The following SLC43A1 variants were observed in gnomAD, a reference collection of about 807,000 sequenced individuals.
The protein encoded by SLC43A1 is large neutral amino acids transporter small subunit 3.
In SLC43A1, 31 loss-of-function variants were observed where a neutral mutation model predicts 59.5. The observed-to-expected ratio is 0.52, with a 90% CI of 0.39 to 0.70. The LOEUF (loss-of-function observed/expected upper bound fraction) is 0.70. Ranked by LOEUF, SLC43A1 falls within the 30% of genes least tolerant of loss-of-function variation. The pLI is 0.00. For missense variants in SLC43A1, 598 were observed against 717.8 expected (o/e 0.83, Z 1.91); for synonymous variants, 259 against 290.9 (o/e 0.89, Z 1.12).
At chr11:57,498,880 T>A (rs984980491) in intron 5 of SLC43A1, among the ~76,000 whole-genome samples, 3 of 152,044 alleles carry the variant, frequency 2.0e-5, no homozygotes, top group Non-Finnish European at 2.9e-5. Context: ...CAGGATGCCC[T>A]TCGCACACAC....
chr11:57,513,309 G>A (rs1258411370), intron 2 of SLC43A1, among the ~76,000 whole-genome samples: 1 of 152,196 alleles, frequency 6.6e-6, no homozygotes, highest in Non-Finnish European at 1.5e-5. Flanking sequence ...TCCCAGAATA[G>A]GAAGATACCC....
At chr11:57,486,969 C>A in intron 14 of SLC43A1, 126 bp downstream of exon 14, 1 of 973,416 alleles carries the variant, frequency 1.0e-6, no homozygotes, top group Admixed American at 2.2e-5. Context: ...ACTTGGAAAC[C>A]TGCAGATTAG....
chr11:57,498,277 C>T (rs919412038), intron 5 of SLC43A1, among the ~76,000 whole-genome samples: 2 of 151,994 alleles, frequency 1.3e-5, no homozygotes, highest in Non-Finnish European at 2.9e-5. Flanking sequence ...CCCATCTCCA[C>T]CAAAAATACA....
Position 57,484,821 on chromosome 11 carries a change from G to T in SLC43A1, c.*275C>A. 3.0e-6 allele frequency: 1 copy of T among 335,860 alleles called. No homozygotes were observed. Among genetic ancestry groups the T allele is most frequent in the Non-Finnish European group, 5.5e-6 (1 of 182,870 alleles). 20.8% of individuals were successfully genotyped at this position (335,860 alleles called of 1,614,324 possible). On this transcript the variant is annotated 3_prime_UTR_variant, in exon 15 of 15. Coordinates refer to ENST00000278426, the MANE Select transcript of SLC43A1 (RefSeq NM_003627.6). ...GCAGACCGCTAGAAGGAGATAAGAG[G>T]CACCCTGGTCTCCTCCAACCCAAGG...
intron 6 of SLC43A1, 62 bp from the exon 7 acceptor site, chr11:57,496,226 G>T: frequency 6.3e-7 from 1 of 1,590,706 alleles, no homozygotes; most frequent in Admixed American, 1.8e-5. Flanking sequence ...CACCAAGGTA[G>T]ATCCCAGGCC....
chr11:57,486,196 C>T (rs965831215), intron 14 of SLC43A1, among the ~76,000 whole-genome samples: 1 of 152,186 alleles, frequency 6.6e-6, no homozygotes, highest in Non-Finnish European at 1.5e-5. Flanking sequence ...TAAAAACAGA[C>T]TCCTAGGAGG....
At chr11:57,512,768 C>A (rs1295456673) in intron 2 of SLC43A1, among the ~76,000 whole-genome samples, 1 of 152,006 alleles carries the variant, frequency 6.6e-6, no homozygotes, top group African/African-American at 2.4e-5. Flanking sequence ...CCACCTCCTC[C>A]AGCCCCTGTC....
At position 57,514,359 on chromosome 11, in the gene SLC43A1, G is replaced by T. The variant is rs1233643910; in HGVS notation, c.-13-235C>A. 3.8e-6 allele frequency: 2 copies of T among 524,640 alleles called. No individual in the cohort carries two copies. The highest frequency in any genetic ancestry group is 7.1e-5 in the Admixed American group (2 of 28,250). The allele number at this position is 524,640 out of a possible 1,614,324, so 32.5% of individuals were successfully genotyped here. ...TGAGCCACTATCGGAAACAAGGAAG[G>T]TCCTGTCTGCGCGCTGCAGCTTCCT... On this transcript the variant is annotated intron_variant, in intron 1 of 14. Coordinates refer to ENST00000278426, the MANE Select transcript of SLC43A1 (RefSeq NM_003627.6). This position sits in a 1 kb window ranked among gnomAD's most constrained non-coding sequence, Gnocchi z 5.5.
chr11:57,512,543 CAA>C (rs1198549159), intron 2 of SLC43A1, among the ~76,000 whole-genome samples: 11 of 122,598 alleles, frequency 9.0e-5, no homozygotes, highest in Admixed American at 8.5e-5. Context: ...GACTCTGTCT[CAA>C]AAAAAAAAAA....
intron 11 of SLC43A1, among the ~76,000 whole-genome samples, chr11:57,490,782 T>C (rs572356595): frequency 2.0e-5 from 3 of 152,344 alleles, no homozygotes; most frequent in East Asian, 3.9e-4. Context: ...TGATTTGTTA[T>C]ACAGCAATAA....
intron 6 of SLC43A1, among the ~76,000 whole-genome samples, chr11:57,497,362 C>T (rs1414285441): frequency 1.3e-5 from 2 of 152,212 alleles, no homozygotes; most frequent in Non-Finnish European, 2.9e-5. Context: ...AACCACCCAT[C>T]CTCTCTGGAA....
intron 13 of SLC43A1, among the ~76,000 whole-genome samples, 182 bp from the exon 14 acceptor site, chr11:57,487,400 ACTGAGCTGGGTT>A (rs759235432): frequency 1.2e-4 from 18 of 152,164 alleles, no homozygotes; most frequent in Admixed American, 8.5e-4. Context: ...CTTCAGGGCC[ACTGAGCTGGGTT>A]CTCACACCTC....
At chr11:57,487,024 C>G in intron 14 of SLC43A1, 71 bp downstream of exon 14, 1 of 1,529,756 alleles carries the variant, frequency 6.5e-7, no homozygotes, top group East Asian at 2.3e-5. Context: ...GGGATGGCAC[C>G]ACATACAAGG....
intron 2 of SLC43A1, among the ~76,000 whole-genome samples, chr11:57,513,617 C>T (rs1459852369): frequency 6.6e-6 from 1 of 152,212 alleles, no homozygotes; most frequent in Non-Finnish European, 1.5e-5. Context: ...GTGCAGCTCT[C>T]CCTTGTCTTA....
At chr11:57,486,396 T>C (rs1943726518) in intron 14 of SLC43A1, among the ~76,000 whole-genome samples, 2 of 151,368 alleles carry the variant, frequency 1.3e-5, no homozygotes, top group Non-Finnish European at 2.9e-5. Context: ...CTCAGAAGGC[T>C]GGGGCCGGAG....
chr11:57,491,518 AG>A (rs904821465), intron 10 of SLC43A1, 72 bp downstream of exon 10: 12 of 1,602,132 alleles, frequency 7.5e-6, no homozygotes, highest in Non-Finnish European at 9.4e-6. Context: ...CCAGGCCTAG[AG>A]GAGTCCCGCC....
intron 4 of SLC43A1, 44 bp from the exon 5 acceptor site, chr11:57,500,899 G>A (rs1944242816): frequency 6.2e-7 from 1 of 1,609,966 alleles, no homozygotes. Context: ...GGGGAGCTGT[G>A]GGAAGCCAAG....
intron 13 of SLC43A1, among the ~76,000 whole-genome samples, chr11:57,488,287 G>A (rs1044974430): frequency 6.6e-6 from 1 of 152,120 alleles, no homozygotes; most frequent in Non-Finnish European, 1.5e-5. Flanking sequence ...TACTGAGGAC[G>A]GAGTGAACAT....
At chr11:57,503,075 A>AT (rs113381818) in intron 2 of SLC43A1, among the ~76,000 whole-genome samples, 4 of 152,030 alleles carry the variant, frequency 2.6e-5, no homozygotes, top group African/African-American at 9.7e-5. Flanking sequence ...GTGTGTTGAC[A>AT]TAAGGAAGAA....
Sources: allele counts gnomAD v4.1 joint callset (sites outside exome capture counted in the v4.1 genomes callset), GRCh38; gene constraint gnomAD v4.1.1; non-coding constraint Gnocchi (gnomAD v3.1); transcripts MANE v1.5; gene names NCBI Gene and HGNC (gene_info 2026-07-23, HGNC 2026-07-21).